Variants in TMEM135 observed in about 807,000 individuals in gnomAD.
TMEM135 encodes peroxisomal membrane protein 52.
A neutral mutation model predicts 60.3 loss-of-function variants in TMEM135; 30 were observed. The observed-to-expected ratio is 0.50, with a 90% confidence interval of 0.37 to 0.68. The LOEUF is 0.68. Among genes scored for constraint, TMEM135 ranks in the 30% least tolerant of loss-of-function variants. The probability of loss-of-function intolerance (pLI) is 0.00; values close to 1 mark genes in which losing one functional copy is unlikely to be tolerated. For missense variants in TMEM135, 468 were observed against 548.8 expected, an observed-to-expected ratio of 0.85 and a Z score of 1.47; for synonymous variants, 190 against 186.7, an observed-to-expected ratio of 1.02 and a Z score of -0.14.
Position 87,321,449 on chromosome 11 carries a change from C to A in TMEM135, c.*116C>A. On this transcript the variant is annotated 3_prime_UTR_variant, in exon 15 of 15. Transcript: ENST00000305494. ...CAGTGTTATTTCAGTTAGAGATACT[C>A]TTTTCATTTGTTTTGTTTTTCTTAT... The A allele has an allele frequency of 8.8e-7, 1 of 1,142,542 alleles. No individual in the cohort carries two copies. The highest frequency in any genetic ancestry group is 1.3e-6 in the Non-Finnish European group (1 of 766,436). The allele number at this position is 1,142,542 out of a possible 1,614,324, so 70.8% of individuals were successfully genotyped here.
chr11:87,136,203 C>T (rs1938093633), intron 4 of TMEM135, among the ~76,000 whole-genome samples: 1 of 151,708 alleles, frequency 6.6e-6, no homozygotes, highest in Admixed American at 6.6e-5. Context: ...AATCTGTATG[C>T]CTTATGAGAG....
chr11:87,260,681 ATTG>A (rs1941633320), intron 6 of TMEM135, among the ~76,000 whole-genome samples: 2 of 151,938 alleles, frequency 1.3e-5, no homozygotes, highest in Non-Finnish European at 1.5e-5. Context: ...TTAATTTTTT[ATTG>A]TTCTTTGGGA....
intron 1 of TMEM135, among the ~76,000 whole-genome samples, chr11:87,047,249 C>G (rs1362021584): frequency 6.6e-6 from 1 of 152,030 alleles, no homozygotes; most frequent in Non-Finnish European, 1.5e-5. Context: ...TCTTGATTTT[C>G]TGGGGAATAT....
intron 5 of TMEM135, among the ~76,000 whole-genome samples, chr11:87,160,521 T>C (rs1324161451): frequency 3.3e-5 from 5 of 152,176 alleles, no homozygotes; most frequent in Admixed American, 3.3e-4. Context: ...TGAACCCTTG[T>C]CTCCAAAGTT....
chr11:87,184,363 T>C (rs1279538723), intron 5 of TMEM135, among the ~76,000 whole-genome samples: 3 of 152,196 alleles, frequency 2.0e-5, no homozygotes, highest in Non-Finnish European at 4.4e-5. Flanking sequence ...AGTATGACTT[T>C]TAATGTTGGT....
Position 87,318,218 on chromosome 11 carries a change from G to A in TMEM135, c.1159G>A (p.Ala387Thr). 6.2e-7 allele frequency: 1 copy of A among 1,611,702 alleles called. No homozygotes were observed. Among genetic ancestry groups the A allele is most frequent in the Non-Finnish European group, 8.5e-7 (1 of 1,179,268 alleles). ...TACTATCATCTATTCCATCTCTACA[G>A]CAATTTGCTTCCAGGCAGTAAGTAT... ...ADTIIYSISTAICFQAAVMEV... is the reference protein window; with the variant it reads ...ADTIIYSISTTICFQAAVMEV... Residue 387 changes from alanine (A) to threonine (T), a missense_variant, in exon 13 of 15, where the codon GCA (alanine) becomes ACA (threonine). Ala to Thr is a moderately conservative substitution (Grantham distance 58). Transcript: ENST00000305494.
At chr11:87,216,302 A>G (rs1201487876) in intron 5 of TMEM135, among the ~76,000 whole-genome samples, 1 of 152,128 alleles carries the variant, frequency 6.6e-6, no homozygotes, top group East Asian at 1.9e-4. Context: ...AAGATATTCT[A>G]CTACAAGTTA....
At chr11:87,134,468 A>C (rs888035029) in intron 4 of TMEM135, among the ~76,000 whole-genome samples, 2 of 152,114 alleles carry the variant, frequency 1.3e-5, no homozygotes, top group African/African-American at 4.8e-5. Context: ...GCACATGTCT[A>C]GTATTTTCAA....
At chr11:87,152,082 T>C (rs770822138) in intron 4 of TMEM135, among the ~76,000 whole-genome samples, 7 of 152,196 alleles carry the variant, frequency 4.6e-5, no homozygotes, top group Non-Finnish European at 1.0e-4. Context: ...CTGGTGCCTT[T>C]CTATTGATGC....
Position 87,324,526 on chromosome 11 carries a change from A to G in TMEM135, c.*3193A>G. 2.2e-6 allele frequency: 1 copy of G among 453,368 alleles called. No homozygotes were observed. Among genetic ancestry groups the G allele is most frequent in the Non-Finnish European group, 4.4e-6 (1 of 226,674 alleles). 28.1% of individuals were successfully genotyped at this position (453,368 alleles called of 1,614,324 possible). ...AACCTCAAATTCCTTGGTTCAAGCAATTATTTCCCCTCAGTCTCTAATAGC... is the reference window on the plus strand; with the variant it reads ...AACCTCAAATTCCTTGGTTCAAGCAGTTATTTCCCCTCAGTCTCTAATAGC... On this transcript the variant is annotated 3_prime_UTR_variant, in exon 15 of 15. Coordinates refer to ENST00000305494, the MANE Select transcript of TMEM135 (RefSeq NM_022918.4).
At chr11:87,226,789 AATCC>A (rs1940773692) in intron 5 of TMEM135, among the ~76,000 whole-genome samples, 1 of 152,222 alleles carries the variant, frequency 6.6e-6, no homozygotes, top group South Asian at 2.1e-4. Context: ...TCATGCCTGT[AATCC>A]CAGCACTTTT....
chr11:87,067,945 G>T, intron 2 of TMEM135, 124 bp downstream of exon 2: 1 of 1,217,646 alleles, frequency 8.2e-7, no homozygotes, highest in Non-Finnish European at 1.2e-6. Flanking sequence ...AATCTGTGAA[G>T]TGACATTTAT....
intron 7 of TMEM135, among the ~76,000 whole-genome samples, chr11:87,297,272 G>T (rs1021477428): frequency 6.6e-6 from 1 of 152,140 alleles, no homozygotes; most frequent in Non-Finnish European, 1.5e-5. Context: ...CCTGAAAGAA[G>T]GTGCTATTAA....
intron 5 of TMEM135, among the ~76,000 whole-genome samples, chr11:87,173,564 A>T (rs1028701944): frequency 6.6e-6 from 1 of 152,194 alleles, no homozygotes; most frequent in Non-Finnish European, 1.5e-5. Flanking sequence ...AATAAATTAG[A>T]TAATGTCTGT....
At chr11:87,057,830 TAA>T (rs1949908250) in intron 1 of TMEM135, among the ~76,000 whole-genome samples, 1 of 151,982 alleles carries the variant, frequency 6.6e-6, no homozygotes, top group African/African-American at 2.4e-5. Context: ...TGTGTGTGTA[TAA>T]AATAAGGAAT....
At chr11:87,075,789 AC>A (rs1352436392) in intron 3 of TMEM135, among the ~76,000 whole-genome samples, 1 of 152,198 alleles carries the variant, frequency 6.6e-6, no homozygotes, top group Non-Finnish European at 1.5e-5. Flanking sequence ...GTGTAGAGGT[AC>A]GTACTGCCTT....
intron 5 of TMEM135, among the ~76,000 whole-genome samples, chr11:87,230,908 C>A (rs1156639616): frequency 5.9e-5 from 9 of 151,914 alleles, no homozygotes; most frequent in Admixed American, 5.9e-4. Flanking sequence ...TGATTCCAGT[C>A]ATGATTTGAT....
At chr11:87,044,808 C>G (rs1949780734) in intron 1 of TMEM135, among the ~76,000 whole-genome samples, 1 of 151,780 alleles carries the variant, frequency 6.6e-6, no homozygotes, top group Non-Finnish European at 1.5e-5. Flanking sequence ...CGCCACCACG[C>G]CCAGCTAATT....
intron 10 of TMEM135, among the ~76,000 whole-genome samples, chr11:87,313,067 A>G (rs1942668436): frequency 6.6e-6 from 1 of 151,838 alleles, no homozygotes; most frequent in South Asian, 2.1e-4. Context: ...TTCTCTGGGT[A>G]TAGAATTGTG....
Sources: allele counts gnomAD v4.1 joint callset (sites outside exome capture counted in the v4.1 genomes callset), GRCh38; gene constraint gnomAD v4.1.1; transcripts MANE v1.5; gene names NCBI Gene and HGNC (gene_info 2026-07-23, HGNC 2026-07-21).